Variants in IQGAP2 observed in about 807,000 individuals in gnomAD.
IQGAP2 encodes the protein ras GTPase-activating-like protein IQGAP2.
IQGAP2 carries 173 observed loss-of-function variants against 201.3 expected under a neutral mutation model. That is an observed-to-expected ratio of 0.86 (90% confidence interval 0.76 to 0.98). IQGAP2 has a LOEUF of 0.98. Among genes scored for constraint, IQGAP2 ranks in the 50% least tolerant of loss-of-function variants. The pLI is 0.00. For synonymous variants in IQGAP2, 675 were observed against 673.9 expected (o/e 1.00, Z -0.03); for missense variants, 1,687 against 1,864.8 (o/e 0.90, Z 1.76).
chr5:76,511,632 C>G (rs1469353216), intron 2 of IQGAP2, among the ~76,000 whole-genome samples: 1 of 149,828 alleles, frequency 6.7e-6, no homozygotes, highest in African/African-American at 2.5e-5. Context: ...CCCATTTAAA[C>G]AAAAAAAGGA....
In IQGAP2 at chr5:76,606,212, A is replaced by T. The variant is rs752762968; in HGVS notation, c.1266A>T (p.Glu422Asp). Reference protein sequence around the residue: ...YANTLLSVKLEVLSQGQDNLS... With the variant: ...YANTLLSVKLDVLSQGQDNLS... ...ACACACTACTCTCTGTTAAACTAGAAGTTTTATCCCAAGGGCAAGATAACT... is the reference window on the plus strand; with the variant it reads ...ACACACTACTCTCTGTTAAACTAGATGTTTTATCCCAAGGGCAAGATAACT... The change falls in exon 12 of 36, where the codon GAA becomes GAT. Residue 422 changes from glutamate to aspartate, a missense_variant. Glu to Asp is a conservative substitution (Grantham distance 45, BLOSUM62 2). Transcript: ENST00000274364. The T allele has an allele frequency of 4.4e-6, 7 of 1,605,654 alleles. No individual in the cohort carries two copies. The highest frequency in any genetic ancestry group is 1.3e-5 in the African/African-American group (1 of 74,742).
chr5:76,462,514 G>T (rs942052190), intron 2 of IQGAP2, among the ~76,000 whole-genome samples: 1 of 152,178 alleles, frequency 6.6e-6, no homozygotes, highest in Non-Finnish European at 1.5e-5. Context: ...TATCCTTTGT[G>T]GGGTGAATAC....
chr5:76,511,624 C>T (rs1018617931), intron 2 of IQGAP2, among the ~76,000 whole-genome samples: 11 of 150,948 alleles, frequency 7.3e-5, no homozygotes, highest in African/African-American at 2.4e-4. Context: ...ACTGGAATCC[C>T]ATTTAAACAA....
At chr5:76,543,368 T>C (rs1742899788) in intron 2 of IQGAP2, among the ~76,000 whole-genome samples, 1 of 152,200 alleles carries the variant, frequency 6.6e-6, no homozygotes, top group Admixed American at 6.5e-5. Context: ...AGGTGAAGCA[T>C]TTCAGTGATC....
chr5:76,643,812 C>G (rs1561543566), intron 17 of IQGAP2, among the ~76,000 whole-genome samples: 1 of 152,122 alleles, frequency 6.6e-6, no homozygotes, highest in Admixed American at 6.5e-5. Flanking sequence ...GAAGGAACTT[C>G]ACTTCGCCAG....
chr5:76,624,359 G>A (rs1190619415), intron 13 of IQGAP2: 2 of 152,142 alleles, frequency 1.3e-5, no homozygotes, highest in African/African-American at 2.4e-5. Context: ...TTTACAAAAT[G>A]CAGCAAGAAT....
At chr5:76,648,255 T>G (rs1752231232) in intron 17 of IQGAP2, among the ~76,000 whole-genome samples, 1 of 152,128 alleles carries the variant, frequency 6.6e-6, no homozygotes, top group Non-Finnish European at 1.5e-5. Flanking sequence ...CTAGCCTCCT[T>G]TTTTTCTCTT....
At position 76,606,229 on chromosome 5, in the gene IQGAP2, A is replaced by G; in HGVS notation, c.1283A>G (p.Gln428Arg). The G allele has an allele frequency of 6.2e-7, 1 of 1,604,918 alleles. No individual in the cohort carries two copies. Among genetic ancestry groups the G allele is most frequent in the East Asian group, 2.2e-5 (1 of 44,660 alleles). ...SVKLEVLSQG[Q>R]DNLSWNEIQN... ...AAACTAGAAGTTTTATCCCAAGGGC[A>G]AGATAACTTAAGCTGGAATGAAATT... Residue 428 changes from glutamine (Q) to arginine (R), a missense_variant, in exon 12 of 36, where the codon CAA (glutamine) becomes CGA (arginine). Gln to Arg is a conservative substitution (Grantham distance 43, BLOSUM62 1). Coordinates refer to ENST00000274364, the MANE Select transcript of IQGAP2 (RefSeq NM_006633.5).
chr5:76,651,783 G>A (rs773457982), intron 17 of IQGAP2, among the ~76,000 whole-genome samples: 47 of 152,008 alleles, frequency 3.1e-4, no homozygotes, highest in Middle Eastern at 3.4e-3. Context: ...GGACTGAGGG[G>A]AAGTCTGGAG....
chr5:76,514,133 C>G (rs1337902632), intron 2 of IQGAP2, among the ~76,000 whole-genome samples: 2 of 147,700 alleles, frequency 1.4e-5, no homozygotes, highest in South Asian at 4.3e-4. Context: ...AAGTGATTCT[C>G]CTGCCTCAGC....
chr5:76,415,684 G>A (rs1346149259), intron 1 of IQGAP2, among the ~76,000 whole-genome samples: 2 of 152,258 alleles, frequency 1.3e-5, no homozygotes, highest in Non-Finnish European at 2.9e-5. Flanking sequence ...GTTCCCACCT[G>A]TAATCCCACC....
At chr5:76,570,969 T>G (rs974376326) in intron 4 of IQGAP2, among the ~76,000 whole-genome samples, 1 of 152,040 alleles carries the variant, frequency 6.6e-6, no homozygotes, top group African/African-American at 2.4e-5. Flanking sequence ...ACATAAAGAT[T>G]CTAAGTCTCA....
At chr5:76,528,929 A>G (rs1293642749) in intron 2 of IQGAP2, among the ~76,000 whole-genome samples, 1 of 152,214 alleles carries the variant, frequency 6.6e-6, no homozygotes, top group Non-Finnish European at 1.5e-5. Flanking sequence ...TGTTTGCTTG[A>G]GAAGCAAAGA....
intron 13 of IQGAP2, among the ~76,000 whole-genome samples, chr5:76,619,294 C>A (rs746979742): frequency 6.6e-6 from 1 of 152,048 alleles, no homozygotes; most frequent in Non-Finnish European, 1.5e-5. Flanking sequence ...GAGTGGGTGA[C>A]AGCTAAATTC....
intron 2 of IQGAP2, among the ~76,000 whole-genome samples, chr5:76,469,646 C>T (rs1482037246): frequency 4.6e-5 from 7 of 152,052 alleles, no homozygotes; most frequent in African/African-American, 1.2e-4. Context: ...TCAAGTGATC[C>T]GCCTGCATTG....
At chr5:76,496,744 T>TCTTTCTTTCTTTC (rs1756959049) in intron 2 of IQGAP2, among the ~76,000 whole-genome samples, 2 of 52,680 alleles carry the variant, frequency 3.8e-5, no homozygotes, top group African/African-American at 1.9e-4. Context: ...TTTCTTTCTT[T>TCTTTCTTTCTTTC]CTTTCTTTCT....
intron 27 of IQGAP2, among the ~76,000 whole-genome samples, chr5:76,675,353 G>A (rs527504403): frequency 1.3e-5 from 2 of 152,108 alleles, no homozygotes; most frequent in Admixed American, 6.5e-5. Flanking sequence ...AACATACCAA[G>A]GAACGACTGT....
intron 2 of IQGAP2, among the ~76,000 whole-genome samples, chr5:76,524,228 G>A (rs568490627): frequency 3.3e-5 from 5 of 152,298 alleles, no homozygotes; most frequent in African/African-American, 1.2e-4. Context: ...AATGAAGTAT[G>A]CTATACCTTA....
chr5:76,671,689 GAAAAAAAA>G (rs34357630), intron 23 of IQGAP2, 62 bp from the exon 24 acceptor site: 3 of 812,442 alleles, frequency 3.7e-6, no homozygotes, highest in African/African-American at 2.0e-5. Flanking sequence ...CTGTCTCGGG[GAAAAAAAA>G]AAAAAAAAAA....
Sources: allele counts gnomAD v4.1 joint callset (sites outside exome capture counted in the v4.1 genomes callset), GRCh38; gene constraint gnomAD v4.1.1; transcripts MANE v1.5; gene names NCBI Gene and HGNC (gene_info 2026-07-23, HGNC 2026-07-21).